USH2A: variants seen among roughly 807,000 people sequenced by gnomAD.
USH2A encodes usherin.
In USH2A, 443 loss-of-function variants were observed where a neutral mutation model predicts 538.9. That is an observed-to-expected ratio of 0.82 (90% CI 0.76 to 0.89). The LOEUF is 0.89. Ranked by LOEUF, USH2A falls within the 40% of genes least tolerant of loss-of-function variation. The pLI is 0.00. For missense variants in USH2A, 6,633 were observed against 6,324.8 expected, an observed-to-expected ratio of 1.05 and a Z score of -1.65; for synonymous variants, 2,413 against 2,273.5, an observed-to-expected ratio of 1.06 and a Z score of -1.75.
chr1:216,130,600 T>A (rs2033354401), intron 21 of USH2A, among the ~76,000 whole-genome samples: 1 of 146,908 alleles, frequency 6.8e-6, no homozygotes, highest in African/African-American at 2.5e-5. Flanking sequence ...TTATATATCA[T>A]GTGTATATAT....
chr1:215,647,623 C>T lies in USH2A; in HGVS notation c.14690G>A (p.Gly4897Glu). Residue 4897 changes from glycine to glutamate, a missense_variant, in exon 67 of 72, where the codon GGG (glycine) becomes GAG (glutamate). By Grantham distance (98) the Gly-to-Glu change is moderately conservative (BLOSUM62 -2). Coordinates refer to ENST00000307340, the MANE Select transcript of USH2A (RefSeq NM_206933.4). ...YTGLGQKASL[G>E]GLQPYTTYKL... ...GTATGTGGTGTAGGGCTGGAGACCCCCAAGGCTGGCTTTCTGCCCCAGCCC... is the reference window on the plus strand; with the variant it reads ...GTATGTGGTGTAGGGCTGGAGACCCTCAAGGCTGGCTTTCTGCCCCAGCCC... 6.2e-7 allele frequency: 1 copy of T among 1,614,148 alleles called. No homozygotes were observed. The highest frequency in any genetic ancestry group is 8.5e-7 in the Non-Finnish European group (1 of 1,180,046).
In USH2A at chr1:215,648,568, G is replaced by A. The variant is rs757728612; in HGVS notation, c.14542C>T (p.Arg4848Trp). The change falls in exon 66 of 72, where the codon CGG (arginine) becomes TGG (tryptophan). Residue 4848 changes from arginine (R) to tryptophan (W), a missense_variant. Transcript: ENST00000307340. ...GTLASRTASF[R>W]WSPPMFPNGV... Reference sequence around the variant, plus strand: ...TTGGGGAACATGGGGGGACTCCACCGGAAGGAGGCCGTCCTTGAGGCCAGC... The same window carrying A: ...TTGGGGAACATGGGGGGACTCCACCAGAAGGAGGCCGTCCTTGAGGCCAGC... 26 of 1,614,074 alleles carry A rather than the reference G, an allele frequency of 1.6e-5. No individual in the cohort carries two copies. The highest frequency in any genetic ancestry group is 8.8e-5 in the South Asian group (8 of 91,084).
intron 32 of USH2A, among the ~76,000 whole-genome samples, chr1:216,019,893 T>C (rs947293845): frequency 2.0e-5 from 3 of 152,194 alleles, no homozygotes; most frequent in Non-Finnish European, 4.4e-5. Flanking sequence ...GTATACCTAC[T>C]TGCAAAAAAC....
At position 215,876,561 on chromosome 1, in the gene USH2A, C is replaced by T. The variant is rs989091260; in HGVS notation, c.8681+1197G>A. Among the ~76,000 whole-genome samples the T allele has an allele frequency of 2.6e-5, 4 of 152,246 alleles. 1 individual carries two copies. The highest frequency in any genetic ancestry group is 2.4e-5 in the African/African-American group (1 of 41,546). ...ATGCTAGGAACTGAAGACAGAGTCACGAAGACCGCACCCCTGCCTTATGGT... is the reference window on the plus strand; with the variant it reads ...ATGCTAGGAACTGAAGACAGAGTCATGAAGACCGCACCCCTGCCTTATGGT... On this transcript the variant is annotated intron_variant, in intron 43 of 71. Transcript: ENST00000307340.
chr1:215,990,758 T>TC (rs1331438277), intron 35 of USH2A, among the ~76,000 whole-genome samples: 61 of 127,344 alleles, frequency 4.8e-4, no homozygotes, highest in Non-Finnish European at 9.1e-4. Context: ...ATCTTAATTT[T>TC]CCTTTTTTTT....
At chr1:216,115,644 C>T (rs1220463499) in intron 21 of USH2A, among the ~76,000 whole-genome samples, 1 of 151,886 alleles carries the variant, frequency 6.6e-6, no homozygotes, top group African/African-American at 2.4e-5. Flanking sequence ...TTCATCCTCC[C>T]TTTATACGTA....
chr1:216,289,459 A>G, intron 10 of USH2A, 49 bp from the exon 11 acceptor site: 2 of 1,611,980 alleles, frequency 1.2e-6, no homozygotes, highest in African/African-American at 2.7e-5. Context: ...CATTAAAATC[A>G]GCTGCATAAT....
chr1:216,408,389 A>G (rs2039430929), intron 3 of USH2A, among the ~76,000 whole-genome samples: 1 of 152,168 alleles, frequency 6.6e-6, no homozygotes, highest in Non-Finnish European at 1.5e-5. Flanking sequence ...ATATGTTGCA[A>G]GACTCCCAGT....
Position 215,743,355 on chromosome 1 carries a change from G to A in USH2A, c.11390-20C>T. The A allele has an allele frequency of 6.6e-7, 1 of 1,509,536 alleles. No homozygotes were observed. Among genetic ancestry groups the A allele is most frequent in the Non-Finnish European group, 9.0e-7 (1 of 1,107,676 alleles). The allele number at this position is 1,509,536 out of a possible 1,614,324, so 93.5% of individuals were successfully genotyped here. On this transcript the variant is annotated intron_variant, in intron 58 of 71. Coordinates refer to ENST00000307340, the MANE Select transcript of USH2A (RefSeq NM_206933.4). ...GGATCCCTTTAAAGAGAGAGAGAGA[G>A]AGAGAACATTAAAAACATATATATA...
chr1:215,981,185 G>C (rs759187756), intron 35 of USH2A, among the ~76,000 whole-genome samples: 1 of 152,014 alleles, frequency 6.6e-6, no homozygotes, highest in African/African-American at 2.4e-5. Flanking sequence ...TATTACAGAA[G>C]TTGGCCCATT....
intron 47 of USH2A, among the ~76,000 whole-genome samples, chr1:215,824,470 T>G (rs1331792473): frequency 6.6e-6 from 1 of 152,066 alleles, no homozygotes; most frequent in Non-Finnish European, 1.5e-5. Context: ...CTTTCCCAAA[T>G]AGGGGAGGTT....
intron 36 of USH2A, among the ~76,000 whole-genome samples, chr1:215,966,501 C>A (rs762766494): frequency 1.1e-4 from 17 of 152,050 alleles, no homozygotes; most frequent in Non-Finnish European, 2.2e-4. Context: ...AATTAGAAAA[C>A]CTTTATTTGT....
intron 30 of USH2A, among the ~76,000 whole-genome samples, chr1:216,063,302 C>T (rs2102539721): frequency 6.6e-6 from 1 of 152,264 alleles, no homozygotes; most frequent in South Asian, 2.1e-4. Flanking sequence ...ATCTCACTTC[C>T]TAGTATTCCT....
chr1:216,397,159 A>G (rs2039225763), intron 3 of USH2A, among the ~76,000 whole-genome samples: 2 of 152,194 alleles, frequency 1.3e-5, no homozygotes. Flanking sequence ...CCAGTGTGAT[A>G]TTTAGTAGAG....
At position 215,759,764 on chromosome 1, in the gene USH2A, A is replaced by C. The variant is rs149260119; in HGVS notation, c.11127T>G (p.Asn3709Lys). The change falls in exon 57 of 72, where the codon AAT becomes AAG. Residue 3709 changes from asparagine to lysine, a missense_variant. Asn to Lys is a moderately conservative substitution (Grantham distance 94). Coordinates refer to ENST00000307340, the MANE Select transcript of USH2A (RefSeq NM_206933.4). ...ELYWSLPEKPNGLVSQYQLSR... is the reference protein window; with the variant it reads ...ELYWSLPEKPKGLVSQYQLSR... Reference sequence around the variant, plus strand: ...TCAATTGATATTGAGAAACGAGGCCATTGGGCTTTTCTGGCAGACTCCAAT... The same window carrying C: ...TCAATTGATATTGAGAAACGAGGCCCTTGGGCTTTTCTGGCAGACTCCAAT... The C allele has an allele frequency of 6.2e-7, 1 of 1,614,102 alleles. No homozygotes were observed. The highest frequency in any genetic ancestry group is 8.5e-7 in the Non-Finnish European group (1 of 1,179,974).
At chr1:216,071,235 G>T (rs1411722982) in intron 29 of USH2A, among the ~76,000 whole-genome samples, 1 of 152,026 alleles carries the variant, frequency 6.6e-6, no homozygotes, top group Non-Finnish European at 1.5e-5. Context: ...CGACTTTACT[G>T]TCCAGACCAA....
At chr1:216,133,889 T>A (rs2033428013) in intron 21 of USH2A, among the ~76,000 whole-genome samples, 1 of 152,128 alleles carries the variant, frequency 6.6e-6, no homozygotes, top group South Asian at 2.1e-4. Context: ...ACTGATAGCT[T>A]AATTTCTTTT....
At position 215,674,327 on chromosome 1, in the gene USH2A, G is replaced by A. The variant is rs1657922355; in HGVS notation, c.13584C>T (p.Ser4528=). The stretch of plus-strand genomic sequence containing the variant: ...GTTCCATCCCTGAGGGTGCTGAGGG[G>A]CTGGTTCGATCTTTGACAAGAGGAC... ...ILSPLVKDRT[S]PSAPSGMEPP... Residue 4528 remains serine, a synonymous_variant, in exon 63 of 72, where the codon AGC becomes AGT. Transcript: ENST00000307340. 1.2e-6 allele frequency: 2 copies of A among 1,613,934 alleles called. No individual in the cohort carries two copies. Among genetic ancestry groups the A allele is most frequent in the South Asian group, 2.2e-5 (2 of 91,064 alleles).
At position 216,081,797 on chromosome 1, in the gene USH2A, T is replaced by C. The variant is rs2031951202; in HGVS notation, c.5298+1659A>G. Among the ~76,000 whole-genome samples the C allele has an allele frequency of 3.3e-5, 5 of 152,166 alleles. No homozygotes were observed. The South Asian group carries it at 8.3e-4, about 25-fold the overall frequency. On this transcript the variant is annotated intron_variant, in intron 26 of 71. Coordinates refer to ENST00000307340, the MANE Select transcript of USH2A (RefSeq NM_206933.4). Reference sequence around the variant, plus strand: ...TCATAGAAAAAGGGTCTCACTATATTGCCCAGGCTGGTCTCGAACTACTGG... The same window carrying C: ...TCATAGAAAAAGGGTCTCACTATATCGCCCAGGCTGGTCTCGAACTACTGG...
Sources: gnomAD v4.1 joint callset for allele counts (sites outside exome capture counted in the v4.1 genomes callset) on GRCh38, gnomAD v4.1.1 for gene constraint, MANE v1.5 for transcripts, NCBI Gene and HGNC (gene_info 2026-07-23, HGNC 2026-07-21) for gene names.